The following PLXNA4 variants were observed in gnomAD, a reference collection of about 807,000 sequenced individuals.
PLXNA4 encodes plexin A4.
PLXNA4 carries 44 observed loss-of-function variants against 191.8 expected under a neutral mutation model. That is an observed-to-expected ratio of 0.23 (90% CI 0.18 to 0.29). The LOEUF (loss-of-function observed/expected upper bound fraction) is 0.29. Ranked by LOEUF, PLXNA4 falls within the 10% of genes least tolerant of loss-of-function variation. PLXNA4 has a pLI of 1.00. For missense variants in PLXNA4, 1,800 were observed against 2,488.8 expected (o/e 0.72, Z 5.89); for synonymous variants, 1,082 against 1,009.5 (o/e 1.07, Z -1.36).
At chr7:132,259,482 G>GAAAAAAAAAAAAA (rs1414792493) in intron 4 of PLXNA4, among the ~76,000 whole-genome samples, 18 of 111,322 alleles carry the variant, frequency 1.6e-4, no homozygotes, top group South Asian at 6.3e-4. Flanking sequence ...AAGAAAAAAG[G>GAAAAAAAAAAAAA]AAAAAAGAAA....
At chr7:132,449,442 T>C (rs1337393832) in intron 3 of PLXNA4, among the ~76,000 whole-genome samples, 4 of 152,164 alleles carry the variant, frequency 2.6e-5, no homozygotes, top group Admixed American at 2.6e-4. Context: ...GGAGGAACCA[T>C]GTTCTCCAAA....
At chr7:132,308,543 A>G (rs1421593405) in intron 3 of PLXNA4, among the ~76,000 whole-genome samples, 4 of 152,198 alleles carry the variant, frequency 2.6e-5, no homozygotes, top group Non-Finnish European at 5.9e-5. Flanking sequence ...CCATGCTGCA[A>G]AAGACCAGAA....
rs141740993 is a variant in PLXNA4 at position 132,189,542 on chromosome 7, G to A, written c.2857-1935C>T. On this transcript the variant is annotated intron_variant, in intron 14 of 31. Coordinates refer to ENST00000321063, the MANE Select transcript of PLXNA4 (RefSeq NM_020911.2). The stretch of plus-strand genomic sequence containing the variant: ...AAATTGGAGTCTGGCCTGATTGTGG[G>A]AGAGGACAAATCTTCCCTCTAGCCT... 2.0e-3 allele frequency among the ~76,000 whole-genome samples: 304 copies of A among 152,232 alleles called. 1 individual carries two copies. The highest frequency in any genetic ancestry group is 6.8e-3 in the African/African-American group (283 of 41,532).
At chr7:132,601,413 C>A (rs987925234) in intron 2 of PLXNA4, among the ~76,000 whole-genome samples, 1 of 152,148 alleles carries the variant, frequency 6.6e-6, no homozygotes, top group African/African-American at 2.4e-5. Context: ...GAAATAAAGA[C>A]AAAGTGATTA....
At chr7:132,383,913 C>G (rs186072938) in intron 3 of PLXNA4, 1 of 985,308 alleles carries the variant, frequency 1.0e-6, no homozygotes, top group Non-Finnish European at 1.2e-6. Context: ...CATGGAACTC[C>G]TGGGACGTAT....
intron 1 of PLXNA4, among the ~76,000 whole-genome samples, chr7:132,529,123 A>T (rs1041521754): frequency 1.3e-5 from 2 of 152,346 alleles, no homozygotes; most frequent in East Asian, 1.9e-4. Flanking sequence ...CTCTGGGTAC[A>T]CACACCAGCA....
chr7:132,174,665 A>G, intron 21 of PLXNA4, 113 bp downstream of exon 21: 1 of 1,497,110 alleles, frequency 6.7e-7, no homozygotes, highest in Non-Finnish European at 9.0e-7. Flanking sequence ...ACCTTGGGCA[A>G]GTTGTGTCCC....
At chr7:132,511,652 G>C (rs1162462248) in intron 1 of PLXNA4, among the ~76,000 whole-genome samples, 1 of 152,218 alleles carries the variant, frequency 6.6e-6, no homozygotes, top group Non-Finnish European at 1.5e-5. Context: ...CTTAGGAAAT[G>C]ATAGTTGCTG....
At chr7:132,278,671 A>G (rs1327637349) in intron 4 of PLXNA4, among the ~76,000 whole-genome samples, 1 of 152,186 alleles carries the variant, frequency 6.6e-6, no homozygotes, top group East Asian at 1.9e-4. Flanking sequence ...TGCAAGAAGC[A>G]TATCTGCTGG....
intron 2 of PLXNA4, among the ~76,000 whole-genome samples, chr7:132,615,961 C>CTCTCTCTCTCTCTCTCTT (rs1803147511): frequency 2.7e-5 from 4 of 149,982 alleles, no homozygotes; most frequent in Non-Finnish European, 4.4e-5. Flanking sequence ...CTCTCTCTCT[C>CTCTCTCTCTCTCTCTCTT]TCTATTCCCC....
rs1381857295 is a variant in PLXNA4, at chr7:132,196,417, TA to T, written c.2738+2067del. Among the ~76,000 whole-genome samples, 5 of 152,376 alleles carry T rather than the reference TA, an allele frequency of 3.3e-5. No individual in the cohort carries two copies. The East Asian group carries it at 9.6e-4, about 29-fold the overall frequency. On this transcript the variant is annotated intron_variant, in intron 13 of 31. Coordinates refer to ENST00000321063, the MANE Select transcript of PLXNA4 (RefSeq NM_020911.2). ...TGTTCCAAGAACCTGTGTTCTCACT[TA>T]ATATACCTTGAGTATATGTCTGGTC...
At chr7:132,533,467 C>A (rs1273180897) in intron 1 of PLXNA4, among the ~76,000 whole-genome samples, 1 of 152,170 alleles carries the variant, frequency 6.6e-6, no homozygotes, top group East Asian at 1.9e-4. Context: ...AGCCTTAGCC[C>A]AATTTTCCAA....
chr7:132,186,781 G>A (rs1261773631), intron 15 of PLXNA4, among the ~76,000 whole-genome samples: 2 of 151,526 alleles, frequency 1.3e-5, no homozygotes, highest in African/African-American at 2.4e-5. Context: ...TTAGTTTATA[G>A]TTTAATTTTG....
chr7:132,577,743 T>G (rs116477980), upstream of PLXNA4, among the ~76,000 whole-genome samples: 5,677 of 152,166 alleles, frequency 0.037, 241 homozygotes, highest in African/African-American at 0.1. Context: ...CGCCTCGGAA[T>G]TTGCAGCTCT....
intron 2 of PLXNA4, among the ~76,000 whole-genome samples, chr7:132,641,984 T>C (rs1474154952): frequency 6.6e-6 from 1 of 152,194 alleles, no homozygotes; most frequent in East Asian, 1.9e-4. Flanking sequence ...GTGTTTTAGA[T>C]GAAATATGGT....
intron 24 of PLXNA4, among the ~76,000 whole-genome samples, chr7:132,163,407 G>A (rs1468474084): frequency 1.3e-5 from 2 of 152,162 alleles, no homozygotes; most frequent in East Asian, 3.9e-4. Flanking sequence ...CACTTTAGTC[G>A]GTTCTGTTGG....
chr7:132,607,388 G>C (rs1401633775), intron 2 of PLXNA4, among the ~76,000 whole-genome samples: 1 of 152,174 alleles, frequency 6.6e-6, no homozygotes, highest in Non-Finnish European at 1.5e-5. Context: ...AGAGCAGACA[G>C]GGCCTCTGGC....
At chr7:132,527,744 T>G (rs12535521) in intron 1 of PLXNA4, among the ~76,000 whole-genome samples, 5,669 of 152,084 alleles carry the variant, frequency 0.037, 274 homozygotes, top group African/African-American at 0.11. Flanking sequence ...TGCCCAGACC[T>G]ATTCCCCATG....
At chr7:132,206,294 T>C (rs1183020403) in intron 10 of PLXNA4, among the ~76,000 whole-genome samples, 2 of 152,222 alleles carry the variant, frequency 1.3e-5, no homozygotes, top group African/African-American at 4.8e-5. Flanking sequence ...TGCATGCAGT[T>C]GGGGATGCTA....
Sources: allele counts gnomAD v4.1 joint callset (sites outside exome capture counted in the v4.1 genomes callset), GRCh38; gene constraint gnomAD v4.1.1; transcripts MANE v1.5; gene names NCBI Gene and HGNC (gene_info 2026-07-23, HGNC 2026-07-21).